The following MBD5 variants were observed in gnomAD, a reference collection of about 807,000 sequenced individuals.
MBD5 encodes methyl-CpG binding domain protein 5, also known as methyl-CpG-binding domain protein 5.
In MBD5, 13 loss-of-function variants were observed where a neutral mutation model predicts 117.3. The ratio of observed to expected loss-of-function variants is 0.11; its 90% CI spans 0.07 to 0.18. The LOEUF (loss-of-function observed/expected upper bound fraction) is 0.18, where lower values mean the gene tolerates loss of function less well. Ranked by LOEUF, MBD5 falls within the 10% of genes least tolerant of loss-of-function variation. The pLI is 1.00. For synonymous variants in MBD5, 727 were observed against 766.4 expected (o/e 0.95, Z 0.85); for missense variants, 1,879 against 2,093.8 (o/e 0.90, Z 2.00).
intron 4 of MBD5, among the ~76,000 whole-genome samples, chr2:148,447,202 A>AGAAAGAAAGAAAGAAG (rs1491407032): frequency 9.9e-3 from 112 of 11,262 alleles, no homozygotes; most frequent in Admixed American, 0.016. Flanking sequence ...AAAGAAAGAA[A>AGAAAGAAAGAAAGAAG]GAAAGAAAGA....
intron 3 of MBD5, among the ~76,000 whole-genome samples, chr2:148,287,923 G>T (rs1490425091): frequency 6.6e-6 from 1 of 152,054 alleles, no homozygotes; most frequent in African/African-American, 2.4e-5. Flanking sequence ...CATGAACTTT[G>T]GGGGACGCAC....
chr2:148,385,430 G>C (rs1179476977), intron 4 of MBD5, among the ~76,000 whole-genome samples: 12 of 152,160 alleles, frequency 7.9e-5, no homozygotes, highest in Non-Finnish European at 1.8e-4. Context: ...ACACCAGTTA[G>C]AATGGCGATC....
intron 2 of MBD5, among the ~76,000 whole-genome samples, chr2:148,206,981 C>G (rs1045039041): frequency 6.6e-5 from 10 of 152,160 alleles, no homozygotes; most frequent in Admixed American, 5.2e-4. Flanking sequence ...ATTACAAGGA[C>G]AAAGTTCAGT....
chr2:148,368,619 A>T (rs1016317276), intron 4 of MBD5, among the ~76,000 whole-genome samples: 3 of 152,192 alleles, frequency 2.0e-5, no homozygotes, highest in African/African-American at 7.2e-5. Context: ...GTCTTGTGTT[A>T]ACGTAGTCCC....
At position 148,489,722 on chromosome 2, in the gene MBD5, G is replaced by C. The variant is rs770117434; in HGVS notation, c.4090G>C (p.Gly1364Arg). 3 of 1,613,994 alleles carry C rather than the reference G, an allele frequency of 1.9e-6. No individual in the cohort carries two copies. The African/African-American group carries it at 4.0e-5, about 22-fold the overall frequency. ...SAMSAFTASI[G>R]DPLNLSSAVS... is the part of the protein sequence containing the mutation. ...CATGAGTGCCTTCACTGCCTCAATTGGTGACCCATTAAATCTCTCCAGTGC... is the reference window on the plus strand; with the variant it reads ...CATGAGTGCCTTCACTGCCTCAATTCGTGACCCATTAAATCTCTCCAGTGC... The change falls in exon 11 of 14, where the codon GGT becomes CGT. Residue 1364 changes from glycine (G) to arginine (R), a missense_variant. Physicochemically the swap from Gly to Arg is moderately radical, Grantham distance 125 (BLOSUM62 -2). Coordinates refer to ENST00000642680, the MANE Select transcript of MBD5 (RefSeq NM_001378120.1).
intron 1 of MBD5, chr2:148,027,091 T>C (rs1260325005): frequency 6.6e-6 from 1 of 152,174 alleles, no homozygotes; most frequent in Non-Finnish European, 1.5e-5. Flanking sequence ...TTAATATAAA[T>C]GTGTTGATGG....
intron 1 of MBD5, among the ~76,000 whole-genome samples, chr2:148,108,661 C>G (rs1382680346): frequency 6.6e-6 from 1 of 152,160 alleles, no homozygotes. Flanking sequence ...ATCTTGTCCT[C>G]AGCATTTCTT....
rs529471821 is a variant in MBD5, at chr2:148,432,703, T to C, written c.-556-25500T>C. On this transcript the variant is annotated intron_variant, in intron 4 of 13. Transcript: ENST00000642680. ...GGCGTGCAGCTTTATTTCTGGGCCC[T>C]CTATTCTATTCCATTGGTCTATGTG... Among the ~76,000 whole-genome samples, 5 of 152,290 alleles carry C rather than the reference T, an allele frequency of 3.3e-5. No individual in the cohort carries two copies. The East Asian group carries it at 9.6e-4, about 29-fold the overall frequency.
At chr2:148,338,169 AG>A (rs752103885) in intron 3 of MBD5, among the ~76,000 whole-genome samples, 16 of 152,206 alleles carry the variant, frequency 1.1e-4, no homozygotes, top group Admixed American at 2.6e-4. Context: ...ATTTTTCTAA[AG>A]GAATAAATTA....
chr2:148,449,645 C>T (rs1283130013), intron 4 of MBD5, among the ~76,000 whole-genome samples: 1 of 151,818 alleles, frequency 6.6e-6, no homozygotes, highest in African/African-American at 2.4e-5. Context: ...AAAGGATAGC[C>T]TTAATTTTTA....
At chr2:148,246,553 G>T (rs756915766) in intron 3 of MBD5, among the ~76,000 whole-genome samples, 2 of 152,022 alleles carry the variant, frequency 1.3e-5, no homozygotes, top group Non-Finnish European at 2.9e-5. Context: ...GGTGGATCAT[G>T]AAGTCAGGAG....
intron 3 of MBD5, among the ~76,000 whole-genome samples, chr2:148,244,612 A>T (rs10928389): frequency 0.6 from 91,493 of 152,096 alleles, 27,737 homozygotes; most frequent in East Asian, 0.71. Flanking sequence ...TTTTTAAAAA[A>T]GTATTCATTC....
chr2:148,301,939 G>A (rs944591623), intron 3 of MBD5, among the ~76,000 whole-genome samples: 3 of 152,036 alleles, frequency 2.0e-5, no homozygotes, highest in Non-Finnish European at 4.4e-5. Context: ...CCTTTCCCTG[G>A]CACCAGCTGT....
intron 2 of MBD5, among the ~76,000 whole-genome samples, chr2:148,188,914 C>G (rs1254843570): frequency 6.6e-6 from 1 of 151,672 alleles, no homozygotes; most frequent in Admixed American, 6.6e-5. Flanking sequence ...CGTGCGCGAG[C>G]CGAAGCAGGG....
intron 1 of MBD5, among the ~76,000 whole-genome samples, chr2:148,041,584 C>T (rs1694360647): frequency 6.6e-6 from 1 of 152,112 alleles, no homozygotes; most frequent in African/African-American, 2.4e-5. Flanking sequence ...AGATGAGAAC[C>T]AGTTTACAAC....
chr2:148,308,346 G>A (rs957680742), intron 3 of MBD5, among the ~76,000 whole-genome samples: 2 of 152,104 alleles, frequency 1.3e-5, no homozygotes, highest in Admixed American at 1.3e-4. Flanking sequence ...ACTGGCATGA[G>A]ATGGTATCTC....
intron 4 of MBD5, among the ~76,000 whole-genome samples, chr2:148,345,202 G>GTATA (rs140072047): frequency 6.7e-6 from 1 of 148,788 alleles, no homozygotes; most frequent in African/African-American, 2.5e-5. Context: ...GTGTATATAC[G>GTATA]TATATATGTA....
At chr2:148,304,587 G>A (rs933795618) in intron 3 of MBD5, among the ~76,000 whole-genome samples, 6 of 152,146 alleles carry the variant, frequency 3.9e-5, no homozygotes, top group Admixed American at 1.3e-4. Flanking sequence ...AAGACAATAT[G>A]TTCAAGGGAC....
intron 1 of MBD5, among the ~76,000 whole-genome samples, chr2:148,106,110 CA>C (rs36058463): frequency 0.42 from 62,978 of 151,602 alleles, 13,280 homozygotes; most frequent in Middle Eastern, 0.54. Context: ...GTGTATTCTA[CA>C]ACTGTTGATG....
Sources: gnomAD v4.1 joint callset for allele counts (sites outside exome capture counted in the v4.1 genomes callset) on GRCh38, gnomAD v4.1.1 for gene constraint, MANE v1.5 for transcripts, NCBI Gene and HGNC (gene_info 2026-07-23, HGNC 2026-07-21) for gene names.